Variants in ACOT7 observed in about 807,000 individuals in gnomAD.
ACOT7 encodes the protein cytosolic acyl coenzyme A thioester hydrolase.
A neutral mutation model predicts 40.2 loss-of-function variants in ACOT7; 12 were observed. The ratio of observed to expected loss-of-function variants is 0.30; its 90% CI spans 0.19 to 0.48. The LOEUF is 0.48. Among genes scored for constraint, ACOT7 ranks in the 20% least tolerant of loss-of-function variants. ACOT7 has a pLI of 0.99. For synonymous variants in ACOT7, 228 were observed against 219.5 expected, an observed-to-expected ratio of 1.04 and a Z score of -0.34; for missense variants, 395 against 530.8, an observed-to-expected ratio of 0.74 and a Z score of 2.51.
chr1:6,283,812 G>T (rs2148382440), intron 7 of ACOT7, among the ~76,000 whole-genome samples: 1 of 152,308 alleles, frequency 6.6e-6, no homozygotes. Flanking sequence ...AGGTTGGCTA[G>T]CAGGACAAAG....
chr1:6,339,880 C>T (rs977320697), intron 2 of ACOT7, among the ~76,000 whole-genome samples: 1 of 150,516 alleles, frequency 6.6e-6, no homozygotes, highest in Non-Finnish European at 1.5e-5. Context: ...GCTAGGACTA[C>T]AGGCGCCCGC....
chr1:6,326,745 G>A (rs1408186534), intron 5 of ACOT7, among the ~76,000 whole-genome samples: 1 of 152,018 alleles, frequency 6.6e-6, no homozygotes, highest in Non-Finnish European at 1.5e-5. Context: ...GGCCAATATG[G>A]TGAAACCCCA....
chr1:6,293,038 C>T (rs1005646811), intron 7 of ACOT7, among the ~76,000 whole-genome samples: 5 of 151,852 alleles, frequency 3.3e-5, no homozygotes, highest in Admixed American at 6.6e-5. Context: ...TACAGGCACC[C>T]GCCACCACGC....
intron 3 of ACOT7, among the ~76,000 whole-genome samples, chr1:6,335,982 T>G (rs1641090106): frequency 6.6e-6 from 1 of 152,058 alleles, no homozygotes; most frequent in East Asian, 1.9e-4. Context: ...ATGGAGCAAA[T>G]GAGGCAAACA....
At chr1:6,290,467 C>T (rs957241761) in intron 7 of ACOT7, among the ~76,000 whole-genome samples, 16 of 152,162 alleles carry the variant, frequency 1.1e-4, no homozygotes, top group African/African-American at 3.6e-4. Flanking sequence ...GGGCTGTGAC[C>T]GGCTGCCATG....
rs143135132 is a variant in ACOT7, at chr1:6,297,875, G to A, written c.713-2895C>T. ...AGACGAATACCCAGGGGCTTGGGAT[G>A]CTCTACACTCTGCTTTTGTGTATAT... On this transcript the variant is annotated intron_variant, in intron 6 of 8. Transcript: ENST00000361521. 3.5e-4 allele frequency among the ~76,000 whole-genome samples: 54 copies of A among 152,264 alleles called. No individual in the cohort carries two copies. The East Asian group carries it at 0.01, about 29-fold the overall frequency.
chr1:6,372,485 G>T lies in ACOT7; in HGVS notation c.143+20772C>A, dbSNP rs185244482. Among the ~76,000 whole-genome samples, 63 of 151,852 alleles carry T rather than the reference G, an allele frequency of 4.1e-4. 2 individuals are homozygous for T. The East Asian group carries it at 0.012, about 29-fold the overall frequency. ...CAACTTGGCTAACTGTTTGGCACAC[G>T]AGGCCTAGCTTTCAGCCTATCTCAG... On this transcript the variant is annotated intron_variant, in intron 1 of 8. Coordinates refer to ENST00000361521, the MANE Select transcript of ACOT7 (RefSeq NM_007274.4).
At position 6,306,465 on chromosome 1, in the gene ACOT7, C is replaced by T. The variant is rs1432492063; in HGVS notation, c.713-11485G>A. ...CAGGCTTTCAGGGTTGACACCATCT[C>T]GGGGTTCAAGGTTCAAGTTCACCAG... On this transcript the variant is annotated intron_variant, in intron 6 of 8. Transcript: ENST00000361521. This position sits in a 1 kb window ranked among gnomAD's most constrained non-coding sequence, Gnocchi z 4.3. 4 of 985,170 alleles carry T rather than the reference C, an allele frequency of 4.1e-6. No individual in the cohort carries two copies. Among genetic ancestry groups the T allele is most frequent in the African/African-American group, 1.7e-5 (1 of 57,166 alleles). 61.0% of individuals were successfully genotyped at this position (985,170 alleles called of 1,614,324 possible). A position where few individuals can be genotyped will look rare whatever the true frequency, so the allele number is the denominator to read the frequency against.
In ACOT7 at chr1:6,291,452, G is replaced by A. The variant is rs531921531; in HGVS notation, c.829+3412C>T. The stretch of plus-strand genomic sequence containing the variant: ...CTCCCCTGACTTCAGAGGGACCTTG[G>A]CCCTGCTGACGCCTTGATTTCAGAA... On this transcript the variant is annotated intron_variant, in intron 7 of 8. Transcript: ENST00000361521. Among the ~76,000 whole-genome samples, 50 of 152,306 alleles carry A rather than the reference G, an allele frequency of 3.3e-4. No individual in the cohort carries two copies. In the South Asian group the frequency reaches 0.01, roughly 31 times the overall value.
rs999584834 is a variant in ACOT7 at position 6,282,892 on chromosome 1, G to C, written c.830-1606C>G. ...GGGTCAGGCCCCAGCTAAGGAGCTAGAAGTTTCAACAGGTCAGACCTGAGG... is the reference window on the plus strand; with the variant it reads ...GGGTCAGGCCCCAGCTAAGGAGCTACAAGTTTCAACAGGTCAGACCTGAGG... On this transcript the variant is annotated intron_variant, in intron 7 of 8. Coordinates refer to ENST00000361521, the MANE Select transcript of ACOT7 (RefSeq NM_007274.4). This position sits in a 1 kb window ranked among gnomAD's most constrained non-coding sequence, Gnocchi z 4.5. The C allele has an allele frequency of 1.4e-5, 12 of 886,480 alleles. No individual in the cohort carries two copies. In the African/African-American group the frequency reaches 2.1e-4, roughly 15 times the overall value. The allele number at this position is 886,480 out of a possible 1,614,324, so 54.9% of individuals were successfully genotyped here.
intron 2 of ACOT7, among the ~76,000 whole-genome samples, chr1:6,341,741 C>CA (rs1203265842): frequency 5.7e-4 from 83 of 144,360 alleles, no homozygotes; most frequent in Admixed American, 1.4e-3. Context: ...GACTCCGTCT[C>CA]AAAAAAAAAA....
chr1:6,332,849 AAAAG>A (rs137954170), intron 4 of ACOT7, among the ~76,000 whole-genome samples: 4 of 152,076 alleles, frequency 2.6e-5, no homozygotes, highest in Middle Eastern at 3.4e-3. Flanking sequence ...AAAAAAAACA[AAAAG>A]AAAGAAAGAA....
At chr1:6,363,618 C>T (rs1641938014) in intron 1 of ACOT7, among the ~76,000 whole-genome samples, 1 of 151,988 alleles carries the variant, frequency 6.6e-6, no homozygotes, top group African/African-American at 2.4e-5. Flanking sequence ...TCTCTCTCTC[C>T]CTCTCTCTCT....
chr1:6,360,084 A>C (rs1275803121), intron 1 of ACOT7, among the ~76,000 whole-genome samples: 1 of 152,250 alleles, frequency 6.6e-6, no homozygotes, highest in Non-Finnish European at 1.5e-5. Context: ...GTGCAAAAAT[A>C]ACAAGTCCTA....
chr1:6,378,777 G>A (rs1642282105), intron 1 of ACOT7, among the ~76,000 whole-genome samples: 1 of 151,976 alleles, frequency 6.6e-6, no homozygotes, highest in Non-Finnish European at 1.5e-5. Flanking sequence ...GGACAGAAAG[G>A]CTGGCGAGGG....
In ACOT7 at chr1:6,358,609, C is replaced by T. The variant is rs116465994; in HGVS notation, c.144-8743G>A. ...GGACCCCAGCTCACGCAGGCCTGCA[C>T]TTCCTATCCCAGCTTCGGCTGACCA... On this transcript the variant is annotated intron_variant, in intron 1 of 8. Transcript: ENST00000361521. This position sits in a 1 kb window ranked among gnomAD's most constrained non-coding sequence, Gnocchi z 4.1. Among the ~76,000 whole-genome samples the T allele has an allele frequency of 0.014, 2,184 of 152,334 alleles. 66 individuals carry two copies. The highest frequency in any genetic ancestry group is 0.049 in the African/African-American group (2,053 of 41,564).
chr1:6,295,101 C>T, intron 6 of ACOT7, 121 bp from the exon 7 acceptor site: 1 of 706,916 alleles, frequency 1.4e-6, no homozygotes, highest in East Asian at 2.8e-5. Flanking sequence ...GGGCCGCAGC[C>T]AGCAGGGGTG....
intron 8 of ACOT7, among the ~76,000 whole-genome samples, chr1:6,268,421 AAACT>A (rs911666572): frequency 5.9e-5 from 9 of 152,214 alleles, no homozygotes; most frequent in African/African-American, 2.2e-4. Flanking sequence ...GAAAAGCAAA[AAACT>A]AACTAGACCT....
chr1:6,331,451 TG>T (rs1250453937), intron 4 of ACOT7, among the ~76,000 whole-genome samples: 1 of 152,334 alleles, frequency 6.6e-6, no homozygotes, highest in East Asian at 1.9e-4. Flanking sequence ...GATCCTCGCC[TG>T]GGGCCAATGG....
Sources: allele counts gnomAD v4.1 joint callset (sites outside exome capture counted in the v4.1 genomes callset), GRCh38; gene constraint gnomAD v4.1.1; non-coding constraint Gnocchi (gnomAD v3.1); transcripts MANE v1.5; gene names NCBI Gene and HGNC (gene_info 2026-07-23, HGNC 2026-07-21).